The following PARD3 variants were observed in gnomAD, a reference collection of about 807,000 sequenced individuals.
PARD3 encodes the protein partitioning defective 3 homolog.
In PARD3, 75 loss-of-function variants were observed where a neutral mutation model predicts 155.4. The observed-to-expected ratio is 0.48, with a 90% CI of 0.40 to 0.58. PARD3 has a LOEUF of 0.58. PARD3 is among the 20% of genes least tolerant of loss of function. The probability of loss-of-function intolerance (pLI) is 0.00; values close to 1 mark genes in which losing one functional copy is unlikely to be tolerated. For missense variants in PARD3, 1,642 were observed against 1,721.7 expected, an observed-to-expected ratio of 0.95 and a Z score of 0.82; for synonymous variants, 576 against 610.5, an observed-to-expected ratio of 0.94 and a Z score of 0.83.
intron 2 of PARD3, among the ~76,000 whole-genome samples, chr10:34,687,338 G>T (rs2133392674): frequency 6.6e-6 from 1 of 152,256 alleles, no homozygotes; most frequent in East Asian, 1.9e-4. Flanking sequence ...AGCACGTGGA[G>T]TTGTTGCCTG....
chr10:34,453,124 A>G (rs1021166893), intron 4 of PARD3, among the ~76,000 whole-genome samples: 20 of 152,196 alleles, frequency 1.3e-4, no homozygotes, highest in Admixed American at 1.3e-3. Flanking sequence ...GGTAGACCAG[A>G]GGGAATTTCA....
intron 22 of PARD3, among the ~76,000 whole-genome samples, chr10:34,256,905 G>A (rs888346863): frequency 1.3e-5 from 2 of 151,996 alleles, no homozygotes; most frequent in African/African-American, 2.4e-5. Flanking sequence ...GTTCTGTAAC[G>A]ATACAGAAAG....
intron 20 of PARD3, among the ~76,000 whole-genome samples, chr10:34,316,747 A>G (rs1241847395): frequency 6.6e-6 from 1 of 152,230 alleles, no homozygotes; most frequent in Non-Finnish European, 1.5e-5. Context: ...CATGGTTGGC[A>G]AGATATAATC....
chr10:34,507,170 C>G (rs965632539), intron 3 of PARD3, among the ~76,000 whole-genome samples: 6 of 152,100 alleles, frequency 3.9e-5, no homozygotes, highest in Admixed American at 2.0e-4. Context: ...AGTTTTCTAA[C>G]CAAAACTACG....
intron 1 of PARD3, among the ~76,000 whole-genome samples, chr10:34,726,025 T>C (rs2094704093): frequency 6.6e-6 from 1 of 152,168 alleles, no homozygotes; most frequent in South Asian, 2.1e-4. Context: ...TAAGGGAGTG[T>C]AAAGGTAATC....
intron 2 of PARD3, among the ~76,000 whole-genome samples, chr10:34,673,595 G>A (rs1347279093): frequency 6.6e-6 from 1 of 152,046 alleles, no homozygotes; most frequent in East Asian, 1.9e-4. Flanking sequence ...ACTCCTTTAG[G>A]GCTGGGGTGA....
chr10:34,249,388 C>T (rs1016368807), intron 22 of PARD3, among the ~76,000 whole-genome samples: 1 of 152,152 alleles, frequency 6.6e-6, no homozygotes, highest in African/African-American at 2.4e-5. Context: ...AAAACTGGCA[C>T]AGCTAGTGAA....
intron 22 of PARD3, among the ~76,000 whole-genome samples, chr10:34,185,807 T>C (rs1043771208): frequency 4.5e-5 from 6 of 133,644 alleles, no homozygotes; most frequent in Non-Finnish European, 7.8e-5. Context: ...CACAGTAACA[T>C]CTTCTATATT....
chr10:34,509,372 T>C (rs1256018916), intron 3 of PARD3, among the ~76,000 whole-genome samples: 1 of 152,180 alleles, frequency 6.6e-6, no homozygotes. Flanking sequence ...GTAATGTGGT[T>C]TCTTCCCATC....
At chr10:34,260,632 C>T (rs985626695) in intron 22 of PARD3, among the ~76,000 whole-genome samples, 2 of 152,036 alleles carry the variant, frequency 1.3e-5, no homozygotes, top group Non-Finnish European at 2.9e-5. Flanking sequence ...GAGATCAGGC[C>T]CAGGTTGGAT....
chr10:34,275,115 C>T (rs1460734736), intron 21 of PARD3, among the ~76,000 whole-genome samples: 1 of 152,174 alleles, frequency 6.6e-6, no homozygotes. Flanking sequence ...TGACTAATCG[C>T]CACCAGTCAC....
intron 20 of PARD3, among the ~76,000 whole-genome samples, chr10:34,311,693 A>C (rs1957706637): frequency 6.6e-6 from 1 of 152,188 alleles, no homozygotes; most frequent in Admixed American, 6.5e-5. Flanking sequence ...CACGGGAAGA[A>C]CCTGCTGGTT....
chr10:34,558,529 G>A (rs758704243), intron 2 of PARD3, among the ~76,000 whole-genome samples: 5 of 152,146 alleles, frequency 3.3e-5, no homozygotes, highest in South Asian at 2.1e-4. Flanking sequence ...TCTGCAAGAG[G>A]CTGAAGCTAT....
At chr10:34,566,884 ACT>A (rs1291111876) in intron 2 of PARD3, among the ~76,000 whole-genome samples, 1 of 152,180 alleles carries the variant, frequency 6.6e-6, no homozygotes, top group African/African-American at 2.4e-5. Flanking sequence ...TATTATTAAC[ACT>A]CTTTTTTTGA....
At chr10:34,552,402 C>T (rs944495533) in intron 2 of PARD3, among the ~76,000 whole-genome samples, 6 of 152,334 alleles carry the variant, frequency 3.9e-5, no homozygotes, top group Non-Finnish European at 5.9e-5. Flanking sequence ...ACCCAGCCTA[C>T]AAATAATTTA....
At chr10:34,586,258 C>A (rs1590119939) in intron 2 of PARD3, among the ~76,000 whole-genome samples, 2 of 152,114 alleles carry the variant, frequency 1.3e-5, no homozygotes, top group East Asian at 3.9e-4. Context: ...GAAATAATTA[C>A]TTGATTAAAG....
chr10:34,213,141 G>C (rs1951833934), intron 22 of PARD3, among the ~76,000 whole-genome samples: 1 of 152,148 alleles, frequency 6.6e-6, no homozygotes, highest in Non-Finnish European at 1.5e-5. Context: ...CTGGTGGCTA[G>C]AAGGTTCAAG....
chr10:34,210,789 G>A (rs1345523951), intron 22 of PARD3, among the ~76,000 whole-genome samples: 1 of 152,126 alleles, frequency 6.6e-6, no homozygotes, highest in Non-Finnish European at 1.5e-5. Flanking sequence ...AGGAAAACTA[G>A]AATTCAGTGC....
At chr10:34,218,404 G>T (rs919500073) in intron 22 of PARD3, among the ~76,000 whole-genome samples, 3 of 152,072 alleles carry the variant, frequency 2.0e-5, no homozygotes, top group African/African-American at 7.2e-5. Flanking sequence ...AGCTACAGAT[G>T]ATCACCCTGA....
Sources: allele counts gnomAD v4.1 joint callset (sites outside exome capture counted in the v4.1 genomes callset), GRCh38; gene constraint gnomAD v4.1.1; transcripts MANE v1.5; gene names NCBI Gene and HGNC (gene_info 2026-07-23, HGNC 2026-07-21).